VEPH1: variants seen among roughly 807,000 people sequenced by gnomAD.
The protein encoded by VEPH1 is ventricular zone expressed PH domain containing 1.
A neutral mutation model predicts 85.2 loss-of-function variants in VEPH1; 80 were observed. That is an observed-to-expected ratio of 0.94 (90% confidence interval 0.78 to 1.13). VEPH1 has a LOEUF of 1.13. VEPH1 is among the 50% of genes most tolerant of loss of function. The pLI, the probability that VEPH1 is intolerant of heterozygous loss-of-function variation, is 0.00. For missense variants in VEPH1, 955 were observed against 980.5 expected (o/e 0.97, Z 0.35); for synonymous variants, 297 against 348.0 (o/e 0.85, Z 1.63).
Position 157,261,058 on chromosome 3 carries a change from T to G in VEPH1, c.*76A>C. The G allele has an allele frequency of 6.4e-7, 1 of 1,558,012 alleles. No individual in the cohort carries two copies. The highest frequency in any genetic ancestry group is 1.9e-5 in the Admixed American group (1 of 53,080). The stretch of plus-strand genomic sequence containing the variant: ...AAAAAACAACATGGCTTGGTAAATT[T>G]AGCTCTTTTTCTTGACATTGGCAAT... On this transcript the variant is annotated 3_prime_UTR_variant, in exon 14 of 14. Transcript: ENST00000362010.
intron 9 of VEPH1, among the ~76,000 whole-genome samples, chr3:157,341,121 TC>T (rs1168149758): frequency 6.6e-6 from 1 of 152,064 alleles, no homozygotes; most frequent in South Asian, 2.1e-4. Context: ...AGAGAGCCTC[TC>T]CCCCTCCAAA....
intron 4 of VEPH1, among the ~76,000 whole-genome samples, chr3:157,446,491 A>G (rs1734566006): frequency 6.6e-6 from 1 of 152,230 alleles, no homozygotes; most frequent in Admixed American, 6.5e-5. Flanking sequence ...CCAAGCATAT[A>G]GTGTAGAATT....
At chr3:157,349,533 A>G (rs552788884) in intron 9 of VEPH1, among the ~76,000 whole-genome samples, 1 of 146,880 alleles carries the variant, frequency 6.8e-6, no homozygotes, top group Non-Finnish European at 1.5e-5. Context: ...TCTTAGAGCA[A>G]ATGGGTAAGA....
At chr3:157,418,059 C>T (rs762063940) in intron 5 of VEPH1, among the ~76,000 whole-genome samples, 60 of 152,164 alleles carry the variant, frequency 3.9e-4, no homozygotes, top group Non-Finnish European at 8.2e-4. Flanking sequence ...ATGGCTTGTT[C>T]TCAGGAGAAT....
chr3:157,399,209 G>T (rs961474371), intron 6 of VEPH1, among the ~76,000 whole-genome samples: 5 of 152,048 alleles, frequency 3.3e-5, no homozygotes, highest in African/African-American at 1.2e-4. Flanking sequence ...ATTGATAATG[G>T]TTGGGAAGTT....
At chr3:157,303,453 T>C (rs971832809) in intron 11 of VEPH1, among the ~76,000 whole-genome samples, 1 of 152,208 alleles carries the variant, frequency 6.6e-6, no homozygotes, top group African/African-American at 2.4e-5. Flanking sequence ...CTTAGAGTCA[T>C]ATTTACCATG....
At chr3:157,337,906 T>A (rs887357995) in intron 9 of VEPH1, among the ~76,000 whole-genome samples, 8 of 152,060 alleles carry the variant, frequency 5.3e-5, no homozygotes, top group African/African-American at 1.9e-4. Flanking sequence ...ATAGAAAAAT[T>A]GGCAGTTAAT....
intron 3 of VEPH1, among the ~76,000 whole-genome samples, chr3:157,469,569 C>T (rs1441860037): frequency 3.9e-5 from 6 of 152,130 alleles, no homozygotes. Context: ...CTTTAGTATG[C>T]CATGAAACAT....
intron 2 of VEPH1, among the ~76,000 whole-genome samples, chr3:157,488,554 G>C (rs1444186827): frequency 3.1e-5 from 4 of 128,828 alleles, no homozygotes; most frequent in Non-Finnish European, 6.4e-5. Context: ...TATTTTCCTA[G>C]TCCTTCATCA....
chr3:157,459,955 T>A (rs2109358777), intron 4 of VEPH1: 1 of 1,537,242 alleles, frequency 6.5e-7, no homozygotes, highest in East Asian at 2.4e-5. Context: ...GAAGAATGCT[T>A]ACAATTCTTT....
chr3:157,292,366 A>G (rs965708900), intron 11 of VEPH1, among the ~76,000 whole-genome samples: 1 of 152,160 alleles, frequency 6.6e-6, no homozygotes, highest in Admixed American at 6.5e-5. Context: ...GTCAATCTCC[A>G]TGTGCATATG....
At chr3:157,481,172 G>A (rs372279028) in intron 2 of VEPH1, among the ~76,000 whole-genome samples, 16 of 152,026 alleles carry the variant, frequency 1.1e-4, no homozygotes, top group African/African-American at 3.9e-4. Flanking sequence ...AATTGTTTAA[G>A]TTATTTATTG....
In VEPH1 at chr3:157,451,592, C is replaced by G. The variant is rs138722978; in HGVS notation, c.529+8589G>C. Among the ~76,000 whole-genome samples the G allele has an allele frequency of 5.3e-3, 800 of 152,286 alleles. 23 individuals carry two copies. The highest frequency in any genetic ancestry group is 0.043 in the Admixed American group (660 of 15,296). On this transcript the variant is annotated intron_variant, in intron 4 of 13. Transcript: ENST00000362010. ...AATACATAGCCCTTGGACAAAGTCT[C>G]TCATGATTCACTCATAAGCATAAAA...
chr3:157,478,635 A>G (rs373644825), intron 2 of VEPH1, among the ~76,000 whole-genome samples: 81 of 152,246 alleles, frequency 5.3e-4, no homozygotes, highest in African/African-American at 1.8e-3. Flanking sequence ...AGAATTTTGA[A>G]AGGGGCCTTT....
intron 9 of VEPH1, among the ~76,000 whole-genome samples, chr3:157,324,837 C>A (rs1721724923): frequency 6.6e-6 from 1 of 152,044 alleles, no homozygotes; most frequent in South Asian, 2.1e-4. Context: ...ATTTATATTC[C>A]TTTGGGCATA....
chr3:157,392,384 T>C (rs1729943881), intron 6 of VEPH1, among the ~76,000 whole-genome samples: 5 of 152,230 alleles, frequency 3.3e-5, no homozygotes, highest in Admixed American at 3.3e-4. Flanking sequence ...ACTTATTCAC[T>C]ATCACGAGAA....
chr3:157,369,772 T>C (rs1029877574), intron 7 of VEPH1, among the ~76,000 whole-genome samples: 3 of 152,232 alleles, frequency 2.0e-5, no homozygotes, highest in African/African-American at 4.8e-5. Context: ...AGTATTTTGT[T>C]CGAAACAAAG....
At chr3:157,269,642 G>GTTTTTTTTTTTTTTTTTTTTTTGT (rs11408861) in intron 12 of VEPH1, among the ~76,000 whole-genome samples, 1 of 115,456 alleles carries the variant, frequency 8.7e-6, no homozygotes, top group African/African-American at 3.3e-5. Context: ...TGTTTTTGTT[G>GTTTTTTTTTTTTTTTTTTTTTTGT]TTTTTTTTTT....
chr3:157,377,015 G>A (rs2108841461), intron 7 of VEPH1, among the ~76,000 whole-genome samples: 1 of 152,324 alleles, frequency 6.6e-6, no homozygotes, highest in East Asian at 1.9e-4. Flanking sequence ...TGGTCACAAT[G>A]AAGGGTATTC....
Sources: gnomAD v4.1 joint callset for allele counts (sites outside exome capture counted in the v4.1 genomes callset) on GRCh38, gnomAD v4.1.1 for gene constraint, MANE v1.5 for transcripts, NCBI Gene and HGNC (gene_info 2026-07-23, HGNC 2026-07-21) for gene names.